Variants in PCDHA9 observed in about 807,000 individuals in gnomAD.
PCDHA9 encodes the protein protocadherin alpha-9.
In PCDHA9, 62 loss-of-function variants were observed where a neutral mutation model predicts 62.0. The ratio of observed to expected loss-of-function variants is 1.00; its 90% CI spans 0.81 to 1.23. The LOEUF (loss-of-function observed/expected upper bound fraction) is 1.23, where lower values mean the gene tolerates loss of function less well. Ranked by LOEUF, PCDHA9 falls within the 50% of genes most tolerant of loss-of-function variation. The probability of loss-of-function intolerance (pLI) is 0.00; values close to 1 mark genes in which losing one functional copy is unlikely to be tolerated. For synonymous variants in PCDHA9, 557 were observed against 567.6 expected (o/e 0.98, Z 0.27); for missense variants, 1,205 against 1,249.8 (o/e 0.96, Z 0.54).
chr5:140,876,789 T>C (rs782509311), intron 1 of PCDHA9: 97 of 1,614,054 alleles, frequency 6.0e-5, no homozygotes, highest in Non-Finnish European at 7.5e-5. Context: ...GGGCCACGGC[T>C]AGAGTGTCCG....
intron 1 of PCDHA9, among the ~76,000 whole-genome samples, chr5:140,937,928 G>T (rs997116789): frequency 4.0e-5 from 6 of 148,604 alleles, no homozygotes; most frequent in Non-Finnish European, 8.9e-5. Context: ...AAAAAAAAAA[G>T]TTTAATTTGA....
At chr5:140,883,141 T>C (rs975281074) in intron 1 of PCDHA9, 5 of 1,614,092 alleles carry the variant, frequency 3.1e-6, no homozygotes, top group Non-Finnish European at 4.2e-6. Flanking sequence ...CAGTGGTATA[T>C]GCATTTACCA....
intron 1 of PCDHA9, among the ~76,000 whole-genome samples, chr5:140,972,991 T>C (rs142551667): frequency 6.6e-6 from 1 of 152,222 alleles, no homozygotes; most frequent in Non-Finnish European, 1.5e-5. Context: ...GTAGATTCTG[T>C]GCATTTGTGG....
intron 1 of PCDHA9, among the ~76,000 whole-genome samples, chr5:140,965,010 C>T (rs1160052537): frequency 5.9e-5 from 9 of 152,154 alleles, no homozygotes; most frequent in Admixed American, 3.9e-4. Flanking sequence ...GTGTCAGGAT[C>T]ACAACCTTGG....
intron 3 of PCDHA9, among the ~76,000 whole-genome samples, chr5:140,986,408 C>G (rs1587158509): frequency 6.6e-6 from 1 of 152,176 alleles, no homozygotes; most frequent in East Asian, 1.9e-4. Context: ...GCTCATGTTA[C>G]AGCTCTTTTT....
chr5:140,969,260 C>T (rs782595245), intron 1 of PCDHA9: 11 of 1,614,110 alleles, frequency 6.8e-6, no homozygotes, highest in Non-Finnish European at 6.8e-6. Flanking sequence ...CAGCAGGAAT[C>T]TCACAGGCCA....
intron 1 of PCDHA9, among the ~76,000 whole-genome samples, chr5:140,872,414 C>T (rs138959813): frequency 1.3e-5 from 2 of 152,128 alleles, no homozygotes; most frequent in East Asian, 1.9e-4. Context: ...ATTGCTTGAG[C>T]CCAAGAGTTC....
chr5:140,926,825 G>T (rs937740656), intron 1 of PCDHA9: 2 of 1,499,696 alleles, frequency 1.3e-6, no homozygotes, highest in Admixed American at 4.7e-5. Flanking sequence ...CTCTCCAGGA[G>T]TCCGGAGCAT....
intron 1 of PCDHA9, among the ~76,000 whole-genome samples, chr5:140,923,489 A>G (rs549066009): frequency 2.2e-4 from 34 of 152,300 alleles, no homozygotes; most frequent in African/African-American, 7.5e-4. Context: ...TCTTCACACC[A>G]CTGCACTCCA....
chr5:140,966,603 G>T, intron 1 of PCDHA9: 1 of 656,454 alleles, frequency 1.5e-6, no homozygotes, highest in East Asian at 3.4e-5. Context: ...AGGAGCCCTT[G>T]GGAGGGCCTA....
intron 1 of PCDHA9, among the ~76,000 whole-genome samples, chr5:140,946,042 C>T (rs967126849): frequency 4.6e-4 from 70 of 152,118 alleles, no homozygotes; most frequent in African/African-American, 1.6e-3. Flanking sequence ...AGTGAAGGGA[C>T]AATCCACAGA....
At chr5:140,880,241 C>A (rs529552139) in intron 1 of PCDHA9, among the ~76,000 whole-genome samples, 1 of 150,190 alleles carries the variant, frequency 6.7e-6, no homozygotes, top group African/African-American at 2.5e-5. Flanking sequence ...AGTGTATGTG[C>A]GTGTGTGTAT....
chr5:140,871,436 G>A, intron 1 of PCDHA9: 1 of 1,612,324 alleles, frequency 6.2e-7, no homozygotes, highest in East Asian at 2.2e-5. Context: ...CTTCCTCTAG[G>A]TCTGAATAAA....
chr5:140,924,665 C>A (rs528625954), intron 1 of PCDHA9, among the ~76,000 whole-genome samples: 3 of 152,050 alleles, frequency 2.0e-5, no homozygotes, highest in Non-Finnish European at 4.4e-5. Flanking sequence ...GAGGCCGAGG[C>A]AGGCCAATCA....
At chr5:140,899,894 A>G (rs2067617727) in intron 1 of PCDHA9, among the ~76,000 whole-genome samples, 1 of 151,938 alleles carries the variant, frequency 6.6e-6, no homozygotes, top group African/African-American at 2.4e-5. Context: ...TGCAGCCTTG[A>G]CATCCTGGGC....
intron 1 of PCDHA9, chr5:140,870,247 G>C (rs2051798085): frequency 5.6e-6 from 9 of 1,614,024 alleles, no homozygotes; most frequent in Admixed American, 1.7e-5. Flanking sequence ...AGGTGTCAAC[G>C]GACAGGTGAC....
rs542875982 is a variant in PCDHA9 at position 140,939,696 on chromosome 5, T to C, written c.2395-39253T>C. On this transcript the variant is annotated intron_variant, in intron 1 of 3. Coordinates refer to ENST00000532602, the MANE Select transcript of PCDHA9 (RefSeq NM_031857.2). Reference sequence around the variant, plus strand: ...TATGTATGTGTGTGTTGCTGGACATTATCATTTGTGAGATACATTTATATT... The same window carrying C: ...TATGTATGTGTGTGTTGCTGGACATCATCATTTGTGAGATACATTTATATT... Among the ~76,000 whole-genome samples the C allele has an allele frequency of 1.6e-4, 24 of 152,340 alleles. No homozygotes were observed. The East Asian group carries it at 2.7e-3, about 17-fold the overall frequency.
intron 1 of PCDHA9, among the ~76,000 whole-genome samples, chr5:140,919,778 A>G (rs1252402940): frequency 2.6e-5 from 4 of 152,170 alleles, no homozygotes; most frequent in Non-Finnish European, 5.9e-5. Context: ...TGTTACACAT[A>G]TTACATCTTG....
At chr5:140,975,823 G>A (rs1239122577) in intron 1 of PCDHA9, among the ~76,000 whole-genome samples, 2 of 152,164 alleles carry the variant, frequency 1.3e-5, no homozygotes, top group Non-Finnish European at 2.9e-5. Context: ...AGGAACTGAA[G>A]TGTATTCTTA....
Sources: allele counts gnomAD v4.1 joint callset (sites outside exome capture counted in the v4.1 genomes callset), GRCh38; gene constraint gnomAD v4.1.1; transcripts MANE v1.5; gene names NCBI Gene and HGNC (gene_info 2026-07-23, HGNC 2026-07-21).